The following BNIP3L variants were observed in gnomAD, a reference collection of about 807,000 sequenced individuals.
BNIP3L encodes BCL2/adenovirus E1B 19 kDa protein-interacting protein 3-like.
BNIP3L carries 10 observed loss-of-function variants against 25.5 expected under a neutral mutation model. That is an observed-to-expected ratio of 0.39 (90% confidence interval 0.24 to 0.67). The LOEUF is 0.67. BNIP3L is among the 30% of genes least tolerant of loss of function. BNIP3L has a pLI of 0.45. For missense variants in BNIP3L, 215 were observed against 270.9 expected, an observed-to-expected ratio of 0.79 and a Z score of 1.45; for synonymous variants, 113 against 101.2, an observed-to-expected ratio of 1.12 and a Z score of -0.70.
At chr8:26,407,912 G>A in intron 3 of BNIP3L, 88 bp from the exon 4 acceptor site, 1 of 1,158,160 alleles carries the variant, frequency 8.6e-7, no homozygotes, top group South Asian at 1.4e-5. Flanking sequence ...AACCTTATGA[G>A]TTTGGTATCT....
chr8:26,407,184 T>G (rs1039629555), intron 3 of BNIP3L, among the ~76,000 whole-genome samples: 21 of 151,164 alleles, frequency 1.4e-4, no homozygotes, highest in Admixed American at 4.0e-4. Context: ...TTTTTTTTGT[T>G]TTGTTTTGTT....
In BNIP3L at chr8:26,410,602, C is replaced by G. The variant is rs1310408514; in HGVS notation, c.*190C>G. The stretch of plus-strand genomic sequence containing the variant: ...TTGAGGCATTTTACTAACCTTATAC[C>G]CTTTTTGGCCTGAAGACATTTTAGA... On this transcript the variant is annotated 3_prime_UTR_variant, in exon 6 of 6. Coordinates refer to ENST00000380629, the MANE Select transcript of BNIP3L (RefSeq NM_004331.3). 1.6e-6 allele frequency: 1 copy of G among 630,964 alleles called. No individual in the cohort carries two copies. The highest frequency in any genetic ancestry group is 2.9e-5 in the Admixed American group (1 of 34,308). 39.1% of individuals were successfully genotyped at this position (630,964 alleles called of 1,614,324 possible).
At chr8:26,391,178 C>A in intron 1 of BNIP3L, 65 bp from the exon 2 acceptor site, 1 of 1,377,738 alleles carries the variant, frequency 7.3e-7, no homozygotes, top group Non-Finnish European at 9.8e-7. Context: ...TCACCATGTT[C>A]ACATCTGTGT....
intron 2 of BNIP3L, among the ~76,000 whole-genome samples, chr8:26,393,078 C>A (rs1806150872): frequency 6.6e-6 from 1 of 151,928 alleles, no homozygotes; most frequent in African/African-American, 2.4e-5. Context: ...TAGTGGTCAT[C>A]TTTCAGAGAA....
intron 1 of BNIP3L, among the ~76,000 whole-genome samples, chr8:26,383,986 CTG>C (rs1805923995): frequency 6.6e-6 from 1 of 151,722 alleles, no homozygotes; most frequent in South Asian, 2.1e-4. Context: ...GTCAGGGAGT[CTG>C]GGGCCATGCA....
At chr8:26,395,132 C>T in intron 2 of BNIP3L, 98 bp from the exon 3 acceptor site, 2 of 1,242,536 alleles carry the variant, frequency 1.6e-6, no homozygotes, top group South Asian at 2.9e-5. Flanking sequence ...TTTTCAAAGC[C>T]ATACTGCTGT....
At chr8:26,388,720 C>T (rs1806043078) in intron 1 of BNIP3L, among the ~76,000 whole-genome samples, 1 of 152,054 alleles carries the variant, frequency 6.6e-6, no homozygotes. Flanking sequence ...CCTGTAAGCC[C>T]AGCACTTTGG....
At chr8:26,384,511 A>G (rs1280971048) in intron 1 of BNIP3L, among the ~76,000 whole-genome samples, 2 of 152,210 alleles carry the variant, frequency 1.3e-5, no homozygotes, top group Non-Finnish European at 2.9e-5. Context: ...CGTTACTTGT[A>G]TCACATATTC....
chr8:26,383,257 A>C (rs770655140), intron 1 of BNIP3L, 27 bp downstream of exon 1: 1 of 1,592,482 alleles, frequency 6.3e-7, no homozygotes, highest in Non-Finnish European at 8.5e-7. Flanking sequence ...GGCTCTGTGA[A>C]GGGGATGGGG....
chr8:26,395,076 CAT>C (rs1016637296), intron 2 of BNIP3L, among the ~76,000 whole-genome samples, 152 bp from the exon 3 acceptor site: 4 of 152,172 alleles, frequency 2.6e-5, no homozygotes, highest in African/African-American at 9.7e-5. Flanking sequence ...TTTAATATCA[CAT>C]AAATTTTTCT....
intron 3 of BNIP3L, among the ~76,000 whole-genome samples, chr8:26,404,874 GTAAT>G (rs2117491404): frequency 6.6e-6 from 1 of 152,290 alleles, no homozygotes; most frequent in East Asian, 1.9e-4. Context: ...CAAATCTTAC[GTAAT>G]TAGATTAAGT....
chr8:26,409,706 G>T (rs957772909), intron 5 of BNIP3L, among the ~76,000 whole-genome samples: 32 of 152,158 alleles, frequency 2.1e-4, no homozygotes, highest in African/African-American at 7.0e-4. Flanking sequence ...CAGATTGTTT[G>T]TCTTGGCTGT....
intron 3 of BNIP3L, among the ~76,000 whole-genome samples, chr8:26,404,788 A>G (rs1297800634): frequency 6.6e-6 from 1 of 152,244 alleles, no homozygotes; most frequent in Non-Finnish European, 1.5e-5. Context: ...GATTACAGGC[A>G]TGAGCCATGG....
chr8:26,410,510 C>A lies in BNIP3L; in HGVS notation c.*98C>A. ...TGAGACCATTGTAAGCATGACCCAA[C>A]CTACCACCCTGTTTTTACATATCCA... is the stretch of plus-strand genomic sequence containing the variant. On this transcript the variant is annotated 3_prime_UTR_variant, in exon 6 of 6. Transcript: ENST00000380629. 5 of 1,357,000 alleles carry A rather than the reference C, an allele frequency of 3.7e-6. No individual in the cohort carries two copies. The highest frequency in any genetic ancestry group is 4.2e-6 in the Non-Finnish European group (4 of 951,816). 84.1% of individuals were successfully genotyped at this position (1,357,000 alleles called of 1,614,324 possible). A position where few individuals can be genotyped will look rare whatever the true frequency, so the allele number is the denominator to read the frequency against.
intron 3 of BNIP3L, among the ~76,000 whole-genome samples, chr8:26,405,872 G>A (rs954438775): frequency 6.6e-5 from 10 of 151,992 alleles, no homozygotes; most frequent in African/African-American, 2.2e-4. Flanking sequence ...GTGAAACCCC[G>A]TCTCTACGAA....
At chr8:26,384,421 T>G (rs1298346284) in intron 1 of BNIP3L, among the ~76,000 whole-genome samples, 5 of 152,210 alleles carry the variant, frequency 3.3e-5, no homozygotes, top group Admixed American at 1.3e-4. Context: ...CCCAAAACCT[T>G]TAAGTGTCAT....
intron 1 of BNIP3L, among the ~76,000 whole-genome samples, chr8:26,385,931 A>C (rs1585429132): frequency 6.6e-6 from 1 of 152,246 alleles, no homozygotes; most frequent in East Asian, 1.9e-4. Context: ...CAAAACAAGA[A>C]GCCTCATTGA....
At chr8:26,385,902 T>C (rs1805982365) in intron 1 of BNIP3L, among the ~76,000 whole-genome samples, 1 of 152,230 alleles carries the variant, frequency 6.6e-6, no homozygotes, top group Non-Finnish European at 1.5e-5. Flanking sequence ...TTTAGCTCAT[T>C]ACACAACACT....
At chr8:26,389,301 C>A (rs944798986) in intron 1 of BNIP3L, among the ~76,000 whole-genome samples, 1 of 152,120 alleles carries the variant, frequency 6.6e-6, no homozygotes, top group African/African-American at 2.4e-5. Context: ...TTCTCTCCCC[C>A]ACCCCCTTTC....
Sources: allele counts gnomAD v4.1 joint callset (sites outside exome capture counted in the v4.1 genomes callset), GRCh38; gene constraint gnomAD v4.1.1; transcripts MANE v1.5; gene names NCBI Gene and HGNC (gene_info 2026-07-23, HGNC 2026-07-21).